Variants in PDE4A observed in about 807,000 individuals in gnomAD.
The protein encoded by PDE4A is phosphodiesterase 4A.
Under a neutral mutation model 73.9 loss-of-function variants are expected in PDE4A, and 21 were observed. That is an observed-to-expected ratio of 0.28 (90% CI 0.20 to 0.41). PDE4A has a LOEUF of 0.41. PDE4A is among the 10% of genes least tolerant of loss of function. PDE4A has a pLI of 1.00. For missense variants in PDE4A, 958 were observed against 1,211.4 expected, an observed-to-expected ratio of 0.79 and a Z score of 3.10; for synonymous variants, 463 against 505.4, an observed-to-expected ratio of 0.92 and a Z score of 1.13.
In PDE4A at chr19:10,467,065, C is replaced by T. The variant is rs1267802864; in HGVS notation, c.2105C>T (p.Pro702Leu). 6.2e-7 allele frequency: 1 copy of T among 1,614,044 alleles called. No homozygotes were observed. The highest frequency in any genetic ancestry group is 2.2e-5 in the East Asian group (1 of 44,898). The change falls in exon 15 of 15, where the codon CCC becomes CTC. Residue 702 changes from proline to leucine, a missense_variant. By Grantham distance (98) the Pro-to-Leu change is moderately conservative (BLOSUM62 -3). Transcript: ENST00000380702. ...GAGTCAAGGGGGCCAGGCCACCCAC[C>T]CCTGCCTGACAAGTTCCAGTTTGAG... is the stretch of plus-strand genomic sequence containing the variant. ...EEESRGPGHP[P>L]LPDKFQFELT...
At chr19:10,433,770 T>G (rs544163791) in intron 1 of PDE4A, among the ~76,000 whole-genome samples, 1 of 152,190 alleles carries the variant, frequency 6.6e-6, no homozygotes, top group South Asian at 2.1e-4. Context: ...CCATGTGACC[T>G]TCACAAAGCA....
chr19:10,431,160 TG>T, intron 1 of PDE4A: 1 of 1,001,598 alleles, frequency 1.0e-6, no homozygotes, highest in South Asian at 1.9e-5. Context: ...CTAGGGTTCG[TG>T]GCTCACTCTC....
intron 1 of PDE4A, chr19:10,427,553 T>C: frequency 2.0e-6 from 2 of 985,390 alleles, no homozygotes; most frequent in Non-Finnish European, 2.4e-6. Flanking sequence ...ACATCTGGCT[T>C]CCTAGGACGG....
At chr19:10,450,532 G>T in intron 4 of PDE4A, 71 bp from the exon 5 acceptor site, 1 of 1,524,428 alleles carries the variant, frequency 6.6e-7, no homozygotes, top group Admixed American at 2.2e-5. Flanking sequence ...CACTGTTCAT[G>T]AAAGCGGGAG....
At position 10,459,770 on chromosome 19, in the gene PDE4A, G is replaced by T. The variant is rs1205991081; in HGVS notation, c.1365+11G>T. 5.0e-6 allele frequency: 8 copies of T among 1,593,874 alleles called. No homozygotes were observed. Among genetic ancestry groups the T allele is most frequent in the Non-Finnish European group, 6.9e-6 (8 of 1,166,220 alleles). On this transcript the variant is annotated intron_variant, in intron 10 of 14. Transcript: ENST00000380702. ...ACGCCTGCACTAGATGTGAGTGACT[G>T]CCCTGTGAGTGACCGTCCCCATCTC... is the stretch of plus-strand genomic sequence containing the variant.
At chr19:10,448,193 G>C (rs200516747) in intron 2 of PDE4A, among the ~76,000 whole-genome samples, 2 of 150,656 alleles carry the variant, frequency 1.3e-5, no homozygotes, top group African/African-American at 4.9e-5. Context: ...TCTGCCTCCC[G>C]GGTTCAAGGG....
intron 1 of PDE4A, among the ~76,000 whole-genome samples, chr19:10,445,293 T>G (rs926842481): frequency 1.3e-5 from 2 of 152,128 alleles, no homozygotes; most frequent in East Asian, 3.9e-4. Flanking sequence ...GTAGACAGAT[T>G]CTGGATAGAT....
upstream of PDE4A, chr19:10,420,515 G>A (rs1364657890): frequency 1.2e-5 from 13 of 1,059,618 alleles, no homozygotes; most frequent in Non-Finnish European, 1.5e-5. This position sits in a 1 kb window ranked among gnomAD's most constrained non-coding sequence, Gnocchi z 6.0. Flanking sequence ...GCGGGCCGCG[G>A]AACGCGGAGC....
rs959773507 is a variant in PDE4A at position 10,467,807 on chromosome 19, T to G, written c.*186T>G. 8 of 438,258 alleles carry G rather than the reference T, an allele frequency of 1.8e-5. No individual in the cohort carries two copies. In the East Asian group the frequency reaches 2.7e-4, roughly 15 times the overall value. The allele number at this position is 438,258 out of a possible 1,614,324, so 27.1% of individuals were successfully genotyped here. On this transcript the variant is annotated 3_prime_UTR_variant, in exon 15 of 15. Transcript: ENST00000380702. ...CCCCCTGCCCCCACCCACGGGGCCT[T>G]TTTTTGGAGGTGGGGGCTGGGGAAT...
In PDE4A at chr19:10,461,110, G is replaced by A; in HGVS notation, c.1465+7G>A. ...CAGTTCCTCATCAACACCAGTGAGT[G>A]GCCCTCGCCAGGGGCGGGGTTTGCT... On this transcript the variant is annotated splice_region_variant and intron_variant, in intron 11 of 14. Coordinates refer to ENST00000380702, the MANE Select transcript of PDE4A (RefSeq NM_001111307.2). 6.2e-7 allele frequency: 1 copy of A among 1,606,090 alleles called. No individual in the cohort carries two copies. The highest frequency in any genetic ancestry group is 1.7e-5 in the Admixed American group (1 of 59,872).
chr19:10,425,293 C>T (rs1006035628), intron 1 of PDE4A, among the ~76,000 whole-genome samples: 2 of 152,152 alleles, frequency 1.3e-5, no homozygotes, highest in African/African-American at 4.8e-5. Context: ...CACATGGCAG[C>T]CCTGCCCGCT....
rs1568387664 is a variant in PDE4A, at chr19:10,467,154, G to A, written c.2194G>A (p.Glu732Lys). Residue 732 changes from glutamate (E) to lysine (K), a missense_variant, in exon 15 of 15, where the codon GAG becomes AAG. Physicochemically the swap from Glu to Lys is moderately conservative, Grantham distance 56. Transcript: ENST00000380702. Reference sequence around the variant, plus strand: ...GGCCCAGATACCGTGCACAGCCCAAGAGGCATTGACTGCGCAGGGATTGTC... The same window carrying A: ...GGCCCAGATACCGTGCACAGCCCAAAAGGCATTGACTGCGCAGGGATTGTC... The part of the protein sequence containing the change: ...SMAQIPCTAQ[E>K]ALTAQGLSGV... 1.9e-6 allele frequency: 3 copies of A among 1,614,208 alleles called. No individual in the cohort carries two copies. Among genetic ancestry groups the A allele is most frequent in the South Asian group, 2.2e-5 (2 of 91,086 alleles).
At chr19:10,462,874 C>T (rs1000102223) in intron 13 of PDE4A, among the ~76,000 whole-genome samples, 2 of 152,070 alleles carry the variant, frequency 1.3e-5, no homozygotes, top group Admixed American at 6.6e-5. Flanking sequence ...TCTCTCCCTA[C>T]TCCCTCCCTC....
Position 10,461,099 on chromosome 19 carries a change from C to T in PDE4A, c.1461C>T (p.Asn487=), listed in dbSNP as rs766804988. The T allele has an allele frequency of 1.2e-6, 2 of 1,611,562 alleles. No homozygotes were observed. The highest frequency in any genetic ancestry group is 3.3e-5 in the Admixed American group (2 of 59,952). ...GGGTCTCCAACCAGTTCCTCATCAA[C>T]ACCAGTGAGTGGCCCTCGCCAGGGG... ...HPGVSNQFLI[N]TNSELALMYN... is the part of the protein sequence containing the mutation. Residue 487 remains asparagine (N), a synonymous_variant, in exon 11 of 15, where the codon AAC becomes AAT. Transcript: ENST00000380702.
At chr19:10,430,833 CGCCCCGCGGCCATGGCGCG>C in intron 1 of PDE4A, 1 of 1,129,924 alleles carries the variant, frequency 8.9e-7, no homozygotes, top group Non-Finnish European at 1.1e-6. Context: ...GAGGCGGGGC[CGCCCCGCGGCCATGGCGCG>C]GCCGCGCGGC....
intron 13 of PDE4A, among the ~76,000 whole-genome samples, chr19:10,462,234 G>T (rs905482311): frequency 2.7e-5 from 4 of 150,278 alleles, no homozygotes; most frequent in Middle Eastern, 3.4e-3. Flanking sequence ...CCCGCCTCCC[G>T]CCTCCCGCCT....
Position 10,457,971 on chromosome 19 carries a change from C to G in PDE4A, c.970C>G (p.Pro324Ala). 1 of 1,613,908 alleles carries G rather than the reference C, an allele frequency of 6.2e-7. No individual in the cohort carries two copies. The highest frequency in any genetic ancestry group is 8.5e-7 in the Non-Finnish European group (1 of 1,179,986). ...PRPRPSQPPP[P>A]PVPHLQPMSQ... ...ACCAAGACCCTCCCAGCCGCCCCCG[C>G]CCCCTGTACCACACTTACAGCCCAT... is the stretch of plus-strand genomic sequence containing the variant. Residue 324 changes from proline to alanine, a missense_variant, in exon 8 of 15, where the codon CCC (proline) becomes GCC (alanine). Around this residue, in one of 3 missense-constraint regions of PDE4A, gnomAD observed 570 missense variants for 827.7 expected, o/e 0.69. Transcript: ENST00000380702.
chr19:10,450,889 A>G lies in PDE4A; in HGVS notation c.731A>G (p.Gln244Arg), dbSNP rs563255061. Residue 244 changes from glutamine to arginine, a missense_variant, in exon 6 of 15, where the codon CAG (glutamine) becomes CGG (arginine). Physicochemically the swap from Gln to Arg is conservative, Grantham distance 43. This residue lies in a region of PDE4A where 570 missense variants were observed against 827.7 expected (regional missense o/e 0.69). Transcript: ENST00000380702. The stretch of plus-strand genomic sequence containing the variant: ...GAGGAGCTGGACTGGTGTCTGGAGC[A>G]GCTGGAGACCATGCAGACCTATCGC... ...TLEELDWCLE[Q>R]LETMQTYRSV... 2.5e-6 allele frequency: 4 copies of G among 1,611,812 alleles called. No individual in the cohort carries two copies. The African/African-American group carries it at 4.0e-5, about 16-fold the overall frequency.
At chr19:10,457,466 AC>A (rs1159262474) in intron 7 of PDE4A, among the ~76,000 whole-genome samples, 1 of 128,538 alleles carries the variant, frequency 7.8e-6, no homozygotes, top group Non-Finnish European at 1.6e-5. Flanking sequence ...GGAGCCAGAG[AC>A]CACCCTTCCC....
Sources: gnomAD v4.1 joint callset for allele counts (sites outside exome capture counted in the v4.1 genomes callset) on GRCh38, gnomAD v4.1.1 for gene constraint, gnomAD v4.1.1 regional missense constraint, Gnocchi (gnomAD v3.1) non-coding constraint, MANE v1.5 for transcripts, NCBI Gene and HGNC (gene_info 2026-07-23, HGNC 2026-07-21) for gene names.